SPG11: variants seen among roughly 807,000 people sequenced by gnomAD.
SPG11 encodes SPG11 vesicle trafficking associated, spatacsin, also known as spatacsin.
A neutral mutation model predicts 274.0 loss-of-function variants in SPG11; 222 were observed. The ratio of observed to expected loss-of-function variants is 0.81; its 90% confidence interval spans 0.73 to 0.91. The LOEUF is 0.91. Among genes scored for constraint, SPG11 ranks in the 40% least tolerant of loss-of-function variants. The probability of loss-of-function intolerance (pLI) is 0.00; values close to 1 mark genes in which losing one functional copy is unlikely to be tolerated. For synonymous variants in SPG11, 1,144 were observed against 1,039.7 expected (o/e 1.10, Z -1.93); for missense variants, 3,114 against 2,872.7 (o/e 1.08, Z -1.92).
rs192478465 is a variant in SPG11 at position 44,581,757 on chromosome 15, G to T, written c.5866+2057C>A. 5.9e-5 allele frequency among the ~76,000 whole-genome samples: 9 copies of T among 152,198 alleles called. No homozygotes were observed. The East Asian group carries it at 1.7e-3, about 29-fold the overall frequency. ...TGCAGAAGTAATAAAAGACAAGTAG[G>T]ATGTAAAGGGAGAAGAATAAAGTGA... On this transcript the variant is annotated intron_variant, in intron 30 of 39. Transcript: ENST00000261866.
chr15:44,571,063 T>A (rs947952795), intron 33 of SPG11, among the ~76,000 whole-genome samples: 1 of 152,202 alleles, frequency 6.6e-6, no homozygotes. Flanking sequence ...CCATTTGGTG[T>A]TCTGGCTTTC....
intron 20 of SPG11, among the ~76,000 whole-genome samples, chr15:44,603,155 A>C (rs1369395239): frequency 6.6e-6 from 1 of 151,614 alleles, no homozygotes; most frequent in Non-Finnish European, 1.5e-5. Flanking sequence ...CCTTAACTCA[A>C]GCAATCCTCT....
intron 7 of SPG11, among the ~76,000 whole-genome samples, chr15:44,637,221 G>A (rs897034386): frequency 3.3e-5 from 5 of 152,154 alleles, no homozygotes; most frequent in African/African-American, 1.2e-4. Context: ...ATGTACCAAC[G>A]TCTCATAGTG....
At position 44,566,427 on chromosome 15, in the gene SPG11, C is replaced by A. The variant is rs888097614; in HGVS notation, c.6755-122G>T. ...AGCCATGTTCACAGGCAGGCAGGAA[C>A]ACCTCACTCAGATAAAGGTTATTGG... On this transcript the variant is annotated intron_variant, in intron 36 of 39. Transcript: ENST00000261866. The A allele has an allele frequency of 2.1e-5, 19 of 926,822 alleles. No individual in the cohort carries two copies. In the Middle Eastern group the frequency reaches 9.1e-4, roughly 44 times the overall value. The allele number at this position is 926,822 out of a possible 1,614,324, so 57.4% of individuals were successfully genotyped here. A position where few individuals can be genotyped will look rare whatever the true frequency, so the allele number is the denominator to read the frequency against.
chr15:44,592,110 CAAAAA>C (rs1198260134), intron 27 of SPG11, among the ~76,000 whole-genome samples: 2 of 91,914 alleles, frequency 2.2e-5, no homozygotes, highest in Non-Finnish European at 4.5e-5. Context: ...GACACTGTCT[CAAAAA>C]AAAAAAAAAA....
In SPG11 at chr15:44,564,410, G is replaced by A. The variant is rs2082268025; in HGVS notation, c.7151+137C>T. The A allele has an allele frequency of 3.8e-6, 3 of 799,686 alleles. No homozygotes were observed. The South Asian group carries it at 4.8e-5, about 13-fold the overall frequency. The allele number at this position is 799,686 out of a possible 1,614,324, so 49.5% of individuals were successfully genotyped here. On this transcript the variant is annotated intron_variant, in intron 39 of 39. Transcript: ENST00000261866. ...AATCTGTTAAAAGACTTCCTTCTAA[G>A]GATTCTTGATACTGCTTTGCCATTT... is the stretch of plus-strand genomic sequence containing the variant.
intron 20 of SPG11, among the ~76,000 whole-genome samples, chr15:44,604,355 T>C (rs2083266958): frequency 6.6e-6 from 1 of 152,226 alleles, no homozygotes; most frequent in Non-Finnish European, 1.5e-5. Flanking sequence ...TGTAATTACA[T>C]ATAAAGCCAT....
rs762018726 is a variant in SPG11, at chr15:44,651,918, T to C, written c.1029A>G (p.Ser343=). The change falls in exon 6 of 40, where the codon TCA becomes TCG. Residue 343 remains serine (S), a synonymous_variant. Coordinates refer to ENST00000261866, the MANE Select transcript of SPG11 (RefSeq NM_025137.4). ...QIDRSWKAQL[S]SLNETIKNSK... Reference sequence around the variant, plus strand: ...AGTTCTTTATTGTTTCATTCAATGATGATAGCTGGGCTTTCCAAGACCTGG... The same window carrying C: ...AGTTCTTTATTGTTTCATTCAATGACGATAGCTGGGCTTTCCAAGACCTGG... The C allele has an allele frequency of 1.2e-6, 2 of 1,611,828 alleles. No homozygotes were observed. The highest frequency in any genetic ancestry group is 2.2e-5 in the East Asian group (1 of 44,894).
intron 20 of SPG11, among the ~76,000 whole-genome samples, chr15:44,602,397 T>C (rs1034171232): frequency 6.6e-6 from 1 of 152,154 alleles, no homozygotes; most frequent in African/African-American, 2.4e-5. Context: ...CTATGCCTAA[T>C]TTGTTGAGAG....
rs781416467 is a variant in SPG11, at chr15:44,628,775, A to G, written c.1961T>C (p.Met654Thr). 6.2e-7 allele frequency: 1 copy of G among 1,613,774 alleles called. No individual in the cohort carries two copies. Among genetic ancestry groups the G allele is most frequent in the Non-Finnish European group, 8.5e-7 (1 of 1,179,910 alleles). Residue 654 changes from methionine to threonine, a missense_variant, in exon 10 of 40, where the codon ATG becomes ACG. By Grantham distance (81) the Met-to-Thr change is moderately conservative (BLOSUM62 -1). Coordinates refer to ENST00000261866, the MANE Select transcript of SPG11 (RefSeq NM_025137.4). ...TGTTAGCTTCCAAGGAAACTTTATCATGAAGGTTCGAAGTTCATTAATGTA... is the reference window on the plus strand; with the variant it reads ...TGTTAGCTTCCAAGGAAACTTTATCGTGAAGGTTCGAAGTTCATTAATGTA... ...TSYINELRTF[M>T]IKFPWKLTDA...
chr15:44,644,007 CA>C (rs1016828378), intron 7 of SPG11, among the ~76,000 whole-genome samples: 3 of 147,512 alleles, frequency 2.0e-5, no homozygotes, highest in African/African-American at 5.0e-5. Context: ...ACTAAAAATA[CA>C]AAAAAAAAAT....
intron 33 of SPG11, chr15:44,572,339 A>G: frequency 3.0e-6 from 1 of 337,292 alleles, no homozygotes; most frequent in East Asian, 7.5e-5. Flanking sequence ...CTGGGTTCAA[A>G]TACCAGCTCT....
chr15:44,655,168 C>T lies in SPG11; in HGVS notation c.869+1927G>A, dbSNP rs150749193. Among the ~76,000 whole-genome samples the T allele has an allele frequency of 1.2e-4, 18 of 152,230 alleles. No homozygotes were observed. In the East Asian group the frequency reaches 2.3e-3, roughly 20 times the overall value. Reference sequence around the variant, plus strand: ...TCTTTAGCTGGCACAGTGACGTGAACGTATAGTCCCAGCTACTCGGGAGGC... The same window carrying T: ...TCTTTAGCTGGCACAGTGACGTGAATGTATAGTCCCAGCTACTCGGGAGGC... On this transcript the variant is annotated intron_variant, in intron 4 of 39. Transcript: ENST00000261866.
In SPG11 at chr15:44,596,338, C is replaced by T. The variant is rs776141776; in HGVS notation, c.4179G>A (p.Gln1393=). Residue 1393 remains glutamine, a synonymous_variant, in exon 25 of 40, where the codon CAG becomes CAA. Transcript: ENST00000261866. ...YHPAEVKSLI[Q]YFSPVIQDHL... ...GGTCTTGAATGACTGGGCTGAAGTA[C>T]TGGATAAGGGATTTCACCTAGAAGG... is the stretch of plus-strand genomic sequence containing the variant. 1 of 1,614,066 alleles carries T rather than the reference C, an allele frequency of 6.2e-7. No individual in the cohort carries two copies. The highest frequency in any genetic ancestry group is 8.5e-7 in the Non-Finnish European group (1 of 1,180,002).
At chr15:44,641,922 G>GAAAAAAAAAA (rs71111874) in intron 7 of SPG11, among the ~76,000 whole-genome samples, 2 of 55,910 alleles carry the variant, frequency 3.6e-5, no homozygotes, top group Non-Finnish European at 7.6e-5. Context: ...CTGCTTAACA[G>GAAAAAAAAAA]AAAAAAAAAA....
chr15:44,648,860 T>C lies in SPG11; in HGVS notation c.1602+6A>G. On this transcript the variant is annotated splice_donor_region_variant and intron_variant, in intron 7 of 39. Transcript: ENST00000261866. ...AGTAATGTTCTTGGGCATTTAATTC[T>C]GTTACCTCTAGTGCATGTATGGGAA... 6.2e-7 allele frequency: 1 copy of C among 1,613,950 alleles called. No individual in the cohort carries two copies. Among genetic ancestry groups the C allele is most frequent in the Non-Finnish European group, 8.5e-7 (1 of 1,179,848 alleles).
intron 14 of SPG11, 167 bp downstream of exon 14, chr15:44,621,592 C>A: frequency 3.0e-6 from 2 of 673,266 alleles, no homozygotes; most frequent in South Asian, 1.8e-5. Context: ...CTCCCAGAAA[C>A]TCTGAGATAA....
In SPG11 at chr15:44,663,512, G is replaced by A. The variant is rs1038146319; in HGVS notation, c.136C>T (p.Gln46Ter). The part of the protein sequence containing the change: ...EAMGQLGSRA[Q>*]LRTQPEALGS... ...AGAGCCTCCGGCTGTGTGCGCAGCT[G>A]CGCCCGGGAGCCGAGCTGCCCCATC... Residue 46 changes from glutamine (Q) to a stop codon, truncating the protein, a stop_gained, in exon 1 of 40, where the codon CAG (glutamine) becomes TAG (stop). Coordinates refer to ENST00000261866, the MANE Select transcript of SPG11 (RefSeq NM_025137.4). LOFTEE classifies it high-confidence loss of function. 4 of 1,594,920 alleles carry A rather than the reference G, an allele frequency of 2.5e-6. No individual in the cohort carries two copies. Among genetic ancestry groups the A allele is most frequent in the African/African-American group, 1.3e-5 (1 of 74,576 alleles).
intron 38 of SPG11, 24 bp downstream of exon 38, chr15:44,565,830 G>T: frequency 1.9e-6 from 3 of 1,613,732 alleles, no homozygotes; most frequent in Non-Finnish European, 2.5e-6. Context: ...AGCAGTGCTG[G>T]CTACAGTTTG....
Sources: allele counts gnomAD v4.1 joint callset (sites outside exome capture counted in the v4.1 genomes callset), GRCh38; gene constraint gnomAD v4.1.1; transcripts MANE v1.5; gene names NCBI Gene and HGNC (gene_info 2026-07-23, HGNC 2026-07-21).